Variants in DMD observed in about 807,000 individuals in gnomAD.
DMD encodes the protein mutant dystrophin.
Under a neutral mutation model 330.1 loss-of-function variants are expected in DMD, and 63 were observed. The observed-to-expected ratio is 0.19, with a 90% confidence interval of 0.16 to 0.24. The LOEUF (loss-of-function observed/expected upper bound fraction) is 0.24, where lower values mean the gene tolerates loss of function less well. Among genes scored for constraint, DMD ranks in the 10% least tolerant of loss-of-function variants. The pLI is 1.00. For synonymous variants in DMD, 1,223 were observed against 959.8 expected (o/e 1.27, Z -5.07); for missense variants, 3,344 against 2,684.1 (o/e 1.25, Z -5.43).
At chrX:32,409,625 T>C (rs188932244) in intron 30 of DMD, among the ~76,000 whole-genome samples, 118 of 111,965 alleles carry the variant, frequency 1.1e-3, no homozygotes, top group Middle Eastern at 4.6e-3. Flanking sequence ...TTGCTACTCA[T>C]AATTTCATTC....
chrX:31,363,473 C>T lies in DMD; in HGVS notation c.9085-14839G>A, dbSNP rs1020199204. On this transcript the variant is annotated intron_variant, in intron 60 of 78. Coordinates refer to ENST00000357033, the MANE Select transcript of DMD (RefSeq NM_004006.3). ...TCGGCTCACTGCAACTTCCGCTTCC[C>T]GGGTTCAAGCGATTCTCCTGCCTCG... Among the ~76,000 whole-genome samples the T allele has an allele frequency of 1.2e-4, 13 of 104,806 alleles. No homozygotes were observed. The Admixed American group carries it at 1.2e-3, about 10-fold the overall frequency. The allele number at this position is 104,806 out of a possible 115,157, so 91.0% of individuals were successfully genotyped here. A position where few individuals can be genotyped will look rare whatever the true frequency, so the allele number is the denominator to read the frequency against.
chrX:31,444,764 C>T, intron 59 of DMD, 137 bp from the exon 60 acceptor site: 1 of 675,066 alleles, frequency 1.5e-6, no homozygotes, highest in Non-Finnish European at 2.3e-6. Flanking sequence ...TTGTGTCCCC[C>T]CTCAAATTCC....
At chrX:33,219,720 T>C (rs1006495873) in intron 1 of DMD, among the ~76,000 whole-genome samples, 5 of 111,630 alleles carry the variant, frequency 4.5e-5, no homozygotes, top group African/African-American at 1.6e-4. Context: ...TTAATGAAGA[T>C]TTTTAAAGAT....
chrX:33,289,389 C>T (rs761099692), intron 1 of DMD, among the ~76,000 whole-genome samples: 18 of 110,752 alleles, frequency 1.6e-4, no homozygotes, highest in Non-Finnish European at 3.0e-4. Flanking sequence ...TGGAGGTGTC[C>T]AATATTTGTT....
intron 6 of DMD, among the ~76,000 whole-genome samples, chrX:32,813,273 A>G (rs1211226464): frequency 8.9e-6 from 1 of 112,079 alleles, no homozygotes; most frequent in South Asian, 3.6e-4. Flanking sequence ...TAAAAATTGT[A>G]AAACTAACCA....
At chrX:31,508,076 T>G in intron 55 of DMD, 1 of 458,877 alleles carries the variant, frequency 2.2e-6, no homozygotes, top group Admixed American at 3.3e-5. Context: ...ATTTCCCATT[T>G]AATACACATT....
chrX:31,500,913 C>A (rs1208454190), intron 56 of DMD, among the ~76,000 whole-genome samples: 1 of 112,057 alleles, frequency 8.9e-6, no homozygotes, highest in Non-Finnish European at 1.9e-5. Flanking sequence ...TGTTTTTGAT[C>A]TCTGAACAAA....
intron 10 of DMD, 37 bp from the exon 11 acceptor site, chrX:32,644,350 T>C: frequency 1.7e-6 from 2 of 1,178,673 alleles, no homozygotes; most frequent in Non-Finnish European, 2.3e-6. Context: ...TAATTAGAAC[T>C]CTAGGTAAAT....
chrX:31,446,175 G>T (rs753740233), intron 59 of DMD, among the ~76,000 whole-genome samples: 1 of 112,423 alleles, frequency 8.9e-6, no homozygotes, highest in South Asian at 3.7e-4. Context: ...AAACCGTGGT[G>T]CTGTATAGAG....
intron 39 of DMD, among the ~76,000 whole-genome samples, chrX:32,344,235 C>T (rs368185108): frequency 9.0e-6 from 1 of 111,301 alleles, no homozygotes; most frequent in Non-Finnish European, 1.9e-5. Flanking sequence ...AGGTTTAATT[C>T]GAGCGAAAAA....
intron 42 of DMD, among the ~76,000 whole-genome samples, chrX:32,291,097 G>A (rs2097465930): frequency 8.9e-6 from 1 of 111,867 alleles, no homozygotes; most frequent in Non-Finnish European, 1.9e-5. Flanking sequence ...CTTAGGGGAA[G>A]ATGGGGCATG....
intron 7 of DMD, among the ~76,000 whole-genome samples, chrX:32,764,460 T>TTCTC (rs1470851003): frequency 1.8e-5 from 2 of 111,245 alleles, no homozygotes; most frequent in African/African-American, 3.3e-5. Context: ...TCCCCATACC[T>TTCTC]TCTCTCCCCC....
chrX:32,831,265 T>G (rs1009096560), intron 4 of DMD, among the ~76,000 whole-genome samples: 2 of 110,622 alleles, frequency 1.8e-5, no homozygotes, highest in African/African-American at 6.6e-5. Flanking sequence ...CGTCAATATT[T>G]TATTCAAGCT....
intron 1 of DMD, among the ~76,000 whole-genome samples, chrX:33,088,716 A>G (rs1260151273): frequency 8.9e-6 from 1 of 111,950 alleles, no homozygotes; most frequent in African/African-American, 3.2e-5. Context: ...TTACCAGATG[A>G]CATATTAAAT....
intron 55 of DMD, among the ~76,000 whole-genome samples, chrX:31,621,924 C>T (rs1256901836): frequency 8.9e-6 from 1 of 112,051 alleles, no homozygotes; most frequent in Non-Finnish European, 1.9e-5. Context: ...CCTAACAATT[C>T]TTCTAAGGTG....
At position 32,783,330 on chromosome X, in the gene DMD, C is replaced by CAT. The variant is rs763557282; in HGVS notation, c.649+26161_649+26162dup. On this transcript the variant is annotated intron_variant, in intron 7 of 78. Coordinates refer to ENST00000357033, the MANE Select transcript of DMD (RefSeq NM_004006.3). ...CACATATATGGTATATATATACACA[C>CAT]ATATATATACACATATATGGTATAT... Among the ~76,000 whole-genome samples, 7 of 101,190 alleles carry CAT rather than the reference C, an allele frequency of 6.9e-5. 1 individual carries two copies. The highest frequency in any genetic ancestry group is 1.4e-4 in the Non-Finnish European group (7 of 50,029). The allele number at this position is 101,190 out of a possible 115,157, so 87.9% of individuals were successfully genotyped here.
intron 1 of DMD, among the ~76,000 whole-genome samples, chrX:33,187,078 A>G (rs937476602): frequency 1.8e-5 from 2 of 112,140 alleles, no homozygotes; most frequent in Non-Finnish European, 3.8e-5. Flanking sequence ...AGAATCATCT[A>G]TATGAATTGA....
At chrX:33,222,764 C>G (rs1285898680) in intron 1 of DMD, among the ~76,000 whole-genome samples, 1 of 111,752 alleles carries the variant, frequency 8.9e-6, no homozygotes, top group Non-Finnish European at 1.9e-5. Flanking sequence ...AAATGAAATT[C>G]TTAGATCTAA....
intron 1 of DMD, among the ~76,000 whole-genome samples, chrX:33,126,092 G>A (rs936564296): frequency 1.8e-5 from 2 of 109,593 alleles, no homozygotes; most frequent in Non-Finnish European, 3.8e-5. Context: ...ATGACCAATT[G>A]TTTACTTTTG....
Sources: gnomAD v4.1 joint callset for allele counts (sites outside exome capture counted in the v4.1 genomes callset) on GRCh38, gnomAD v4.1.1 for gene constraint, MANE v1.5 for transcripts, NCBI Gene and HGNC (gene_info 2026-07-23, HGNC 2026-07-21) for gene names.